Variants in PRL observed in about 807,000 individuals in gnomAD.
PRL encodes decidual prolactin.
Under a neutral mutation model 21.3 loss-of-function variants are expected in PRL, and 24 were observed. That is an observed-to-expected ratio of 1.13 (90% confidence interval 0.82 to 1.59). PRL has a LOEUF of 1.59. PRL is among the 40% of genes most tolerant of loss of function. The pLI, the probability that PRL is intolerant of heterozygous loss-of-function variation, is 0.00. For synonymous variants in PRL, 118 were observed against 115.7 expected (o/e 1.02, Z -0.13); for missense variants, 243 against 286.9 (o/e 0.85, Z 1.10).
chr6:22,293,781 GAAGA>G (rs1345551232), intron 2 of PRL, among the ~76,000 whole-genome samples: 2 of 134,494 alleles, frequency 1.5e-5, no homozygotes, highest in African/African-American at 5.6e-5. Flanking sequence ...GAAGGGAAGG[GAAGA>G]AGGAAGGAAG....
At chr6:22,291,269 A>C (rs1761043608) in intron 3 of PRL, among the ~76,000 whole-genome samples, 1 of 152,214 alleles carries the variant, frequency 6.6e-6, no homozygotes, top group Non-Finnish European at 1.5e-5. Flanking sequence ...GTGTCAGTGT[A>C]GTTTTTCTGG....
upstream of PRL, among the ~76,000 whole-genome samples, chr6:22,302,058 A>C (rs1761289766): frequency 6.6e-6 from 1 of 152,198 alleles, no homozygotes; most frequent in African/African-American, 2.4e-5. Context: ...GATTAAAAAG[A>C]AACTAAAAAA....
At chr6:22,299,301 T>C (rs1313450043), upstream of PRL, among the ~76,000 whole-genome samples, 1 of 152,218 alleles carries the variant, frequency 6.6e-6, no homozygotes, top group Non-Finnish European at 1.5e-5. Context: ...TGATGATTGA[T>C]TTATGTCAAG....
chr6:22,297,633 T>C (rs1162524523), upstream of PRL: 1 of 152,508 alleles, frequency 6.6e-6, no homozygotes, highest in Admixed American at 6.5e-5. Context: ...ATGTGTTTTG[T>C]CTTTTTAAAA....
intron 2 of PRL, 144 bp from the exon 3 acceptor site, chr6:22,292,789 A>T: frequency 1.5e-6 from 1 of 652,126 alleles, no homozygotes; most frequent in East Asian, 3.0e-5. Flanking sequence ...AAGAATTAAG[A>T]AAGTAACCCT....
intron 2 of PRL, among the ~76,000 whole-genome samples, chr6:22,292,922 A>G (rs1215821763): frequency 6.6e-6 from 1 of 152,204 alleles, no homozygotes; most frequent in African/African-American, 2.4e-5. Flanking sequence ...CACAAGTCAC[A>G]CGAGTTGCTA....
At chr6:22,294,128 C>A (rs1581387232) in intron 2 of PRL, among the ~76,000 whole-genome samples, 1 of 152,102 alleles carries the variant, frequency 6.6e-6, no homozygotes. Flanking sequence ...TCAGCCCCAC[C>A]TAAACATGCT....
upstream of PRL, chr6:22,297,260 G>T: frequency 2.1e-6 from 1 of 465,168 alleles, no homozygotes; most frequent in South Asian, 3.3e-5. Flanking sequence ...AGGCCAAAAG[G>T]AAATGAGAGA....
intron 2 of PRL, 129 bp from the exon 3 acceptor site, chr6:22,292,774 A>C (rs1761078765): frequency 2.8e-6 from 2 of 709,140 alleles, no homozygotes; most frequent in Non-Finnish European, 2.3e-6. Context: ...TAAAAATGAA[A>C]ACTAAAGAAT....
upstream of PRL, among the ~76,000 whole-genome samples, chr6:22,300,994 G>C (rs900238738): frequency 6.6e-6 from 1 of 152,196 alleles, no homozygotes; most frequent in East Asian, 1.9e-4. Flanking sequence ...CTCCACAAAC[G>C]TAAATCTCAC....
chr6:22,288,227 G>T lies in PRL; in HGVS notation c.493-634C>A, dbSNP rs1230932789. ...GAGGTCCCTGGGCTGGGAGGTGCCG[G>T]GAAAAGCACCTACAAGGAAAGGGTA... On this transcript the variant is annotated intron_variant, in intron 4 of 4. Coordinates refer to ENST00000306482, the MANE Select transcript of PRL (RefSeq NM_000948.6). The surrounding 1 kb of genome is among the most constrained non-coding windows in gnomAD (Gnocchi z 4.5). Among the ~76,000 whole-genome samples the T allele has an allele frequency of 6.6e-6, 1 of 152,048 alleles. No individual in the cohort carries two copies. The highest frequency in any genetic ancestry group is 1.5e-5 in the Non-Finnish European group (1 of 68,020).
At chr6:22,300,426 T>A (rs1302780849), upstream of PRL, among the ~76,000 whole-genome samples, 2 of 152,204 alleles carry the variant, frequency 1.3e-5, no homozygotes, top group African/African-American at 4.8e-5. Context: ...GATGTCCAAA[T>A]AAGGCAAAGA....
chr6:22,302,300 C>T (rs1260129295), upstream of PRL, among the ~76,000 whole-genome samples: 1 of 143,492 alleles, frequency 7.0e-6, no homozygotes, highest in African/African-American at 2.6e-5. Flanking sequence ...ACCCAGAACA[C>T]AAGACATTCC....
intron 4 of PRL, 105 bp from the exon 5 acceptor site, chr6:22,287,698 C>A: frequency 1.9e-6 from 2 of 1,070,390 alleles, no homozygotes; most frequent in Non-Finnish European, 2.6e-6. Flanking sequence ...GATATGAATG[C>A]AAAGTTTTAG....
chr6:22,296,956 T>C lies in PRL; in HGVS notation c.27A>G (p.Lys9=). The C allele has an allele frequency of 6.2e-7, 1 of 1,614,004 alleles. No individual in the cohort carries two copies. The highest frequency in any genetic ancestry group is 8.5e-7 in the Non-Finnish European group (1 of 1,179,928). The part of the protein sequence containing the change: MNIKGSPW[K]GSLLLLLVSN... ...AACGCAGTGAGTTGTCACACATACC[T>C]TTCCATGGCGATCCTTTGATGTTCA... Residue 9 remains lysine (K), a splice_region_variant and synonymous_variant, in exon 1 of 5, where the codon AAA becomes AAG. Coordinates refer to ENST00000306482, the MANE Select transcript of PRL (RefSeq NM_000948.6).
upstream of PRL, among the ~76,000 whole-genome samples, chr6:22,301,920 A>T (rs539770094): frequency 6.6e-6 from 1 of 152,312 alleles, no homozygotes; most frequent in South Asian, 2.1e-4. Flanking sequence ...AATTCAAACA[A>T]GTATAATACT....
chr6:22,301,270 G>T (rs1263134302), upstream of PRL, among the ~76,000 whole-genome samples: 8 of 152,038 alleles, frequency 5.3e-5, no homozygotes, highest in Non-Finnish European at 1.2e-4. Flanking sequence ...TAGGAAATGG[G>T]ACTCTCAGCC....
chr6:22,298,281 T>G (rs1392797880), upstream of PRL, among the ~76,000 whole-genome samples: 1 of 152,210 alleles, frequency 6.6e-6, no homozygotes, highest in African/African-American at 2.4e-5. Context: ...TCCATTCACC[T>G]TTTGGAAATT....
chr6:22,292,891 G>A (rs1263934557), intron 2 of PRL, among the ~76,000 whole-genome samples: 1 of 151,850 alleles, frequency 6.6e-6, no homozygotes, highest in East Asian at 1.9e-4. Context: ...CAATTCCCTT[G>A]TTGTTTACTT....
Sources: allele counts gnomAD v4.1 joint callset (sites outside exome capture counted in the v4.1 genomes callset), GRCh38; gene constraint gnomAD v4.1.1; non-coding constraint Gnocchi (gnomAD v3.1); transcripts MANE v1.5; gene names NCBI Gene and HGNC (gene_info 2026-07-23, HGNC 2026-07-21).